Variants in AK5 observed in about 807,000 individuals in gnomAD.
AK5 encodes the protein adenylate kinase isoenzyme 5.
Under a neutral mutation model 69.5 loss-of-function variants are expected in AK5, and 27 were observed. The observed-to-expected ratio is 0.39, with a 90% CI of 0.29 to 0.54. AK5 has a LOEUF of 0.54. AK5 is among the 20% of genes least tolerant of loss of function. The pLI, the probability that AK5 is intolerant of heterozygous loss-of-function variation, is 0.71. For missense variants in AK5, 531 were observed against 700.4 expected, an observed-to-expected ratio of 0.76 and a Z score of 2.73; for synonymous variants, 260 against 244.4, an observed-to-expected ratio of 1.06 and a Z score of -0.60.
intron 13 of AK5, among the ~76,000 whole-genome samples, chr1:77,540,113 C>T (rs754246371): frequency 1.3e-5 from 2 of 152,140 alleles, no homozygotes; most frequent in Non-Finnish European, 2.9e-5. Context: ...GCCCTTTGGC[C>T]ACCAGCTAGC....
chr1:77,296,151 G>T (rs921006653), intron 3 of AK5, among the ~76,000 whole-genome samples: 1 of 152,126 alleles, frequency 6.6e-6, no homozygotes, highest in African/African-American at 2.4e-5. Context: ...TTACAAATTT[G>T]TATTAGTTCC....
chr1:77,336,457 G>A (rs578047488), intron 5 of AK5, among the ~76,000 whole-genome samples: 5 of 152,190 alleles, frequency 3.3e-5, no homozygotes, highest in South Asian at 4.2e-4. Flanking sequence ...AAAACTCTAT[G>A]CCTTAACTTC....
chr1:77,286,171 C>G (rs28476720), intron 1 of AK5, among the ~76,000 whole-genome samples: 15,081 of 151,792 alleles, frequency 0.099, 924 homozygotes, highest in South Asian at 0.2. Flanking sequence ...TTAATATGCA[C>G]TGTACAAATA....
intron 5 of AK5, among the ~76,000 whole-genome samples, chr1:77,310,253 T>C (rs2072865914): frequency 1.3e-5 from 2 of 152,208 alleles, no homozygotes; most frequent in Admixed American, 1.3e-4. Flanking sequence ...GGTCTGTATA[T>C]GGTTTCTCTA....
intron 6 of AK5, among the ~76,000 whole-genome samples, chr1:77,343,963 C>A (rs1661787521): frequency 1.3e-5 from 2 of 152,160 alleles, no homozygotes; most frequent in Admixed American, 1.3e-4. Flanking sequence ...TCATCTTTTT[C>A]TTTAAAAGTG....
At chr1:77,476,587 CT>C (rs1177386160) in intron 8 of AK5, among the ~76,000 whole-genome samples, 1 of 152,142 alleles carries the variant, frequency 6.6e-6, no homozygotes, top group Non-Finnish European at 1.5e-5. Context: ...AACGATGCCC[CT>C]CCCTGCTCAC....
intron 8 of AK5, among the ~76,000 whole-genome samples, chr1:77,452,544 A>C (rs1009328318): frequency 1.3e-5 from 2 of 152,200 alleles, no homozygotes; most frequent in African/African-American, 4.8e-5. Context: ...ATTAAATGCT[A>C]AAATATCTGC....
intron 10 of AK5, among the ~76,000 whole-genome samples, chr1:77,502,604 A>C (rs1436063997): frequency 1.3e-5 from 2 of 152,172 alleles, no homozygotes; most frequent in African/African-American, 4.8e-5. Context: ...ATCCAGGAAA[A>C]GTGGATTTGG....
At chr1:77,409,867 G>A (rs1325263613) in intron 6 of AK5, among the ~76,000 whole-genome samples, 2 of 152,112 alleles carry the variant, frequency 1.3e-5, no homozygotes, top group Admixed American at 1.3e-4. Context: ...GAATTTTATA[G>A]TTTTGGGTTT....
At chr1:77,555,370 G>A (rs1161335102) in intron 13 of AK5, among the ~76,000 whole-genome samples, 1 of 152,134 alleles carries the variant, frequency 6.6e-6, no homozygotes, top group Non-Finnish European at 1.5e-5. Flanking sequence ...AGCCTAGCCT[G>A]TCCCTACAAT....
intron 8 of AK5, among the ~76,000 whole-genome samples, chr1:77,420,770 AC>A (rs202026482): frequency 0.064 from 9,680 of 152,196 alleles, 386 homozygotes; most frequent in Middle Eastern, 0.1. Context: ...ATTCCAGTTA[AC>A]CCTTTTTAGT....
intron 13 of AK5, among the ~76,000 whole-genome samples, chr1:77,544,829 T>C (rs769770232): frequency 3.9e-5 from 6 of 152,178 alleles, no homozygotes; most frequent in Non-Finnish European, 8.8e-5. Context: ...AAGTATAATA[T>C]AGGAAATACA....
intron 6 of AK5, among the ~76,000 whole-genome samples, chr1:77,403,737 T>A (rs1649411621): frequency 1.3e-5 from 2 of 152,246 alleles, no homozygotes; most frequent in Non-Finnish European, 1.5e-5. Context: ...GCGTGATGCC[T>A]CCAGCTTTGT....
intron 6 of AK5, among the ~76,000 whole-genome samples, chr1:77,382,213 T>C (rs913754261): frequency 1.4e-5 from 2 of 142,622 alleles, no homozygotes; most frequent in African/African-American, 5.1e-5. Context: ...TAAGACCCAT[T>C]TTATAATCTT....
At chr1:77,321,459 C>G (rs943309767) in intron 5 of AK5, among the ~76,000 whole-genome samples, 2 of 151,004 alleles carry the variant, frequency 1.3e-5, no homozygotes, top group Admixed American at 6.6e-5. Context: ...ATAGATAGAG[C>G]GAGACTCCGT....
chr1:77,346,522 G>T (rs553966770), intron 6 of AK5, among the ~76,000 whole-genome samples: 3 of 152,192 alleles, frequency 2.0e-5, no homozygotes, highest in African/African-American at 7.2e-5. Context: ...TGGGGGATAG[G>T]GTCTGGCTGT....
At chr1:77,434,576 T>A (rs935873508) in intron 8 of AK5, among the ~76,000 whole-genome samples, 1 of 152,104 alleles carries the variant, frequency 6.6e-6, no homozygotes, top group Admixed American at 6.6e-5. Context: ...ATACAGAAAG[T>A]TCCATGGATA....
intron 8 of AK5, among the ~76,000 whole-genome samples, chr1:77,478,976 G>A (rs953223060): frequency 2.0e-5 from 3 of 150,948 alleles, no homozygotes; most frequent in African/African-American, 4.9e-5. Context: ...AAGGTTGAAT[G>A]TGGGTTCCTT....
intron 5 of AK5, among the ~76,000 whole-genome samples, chr1:77,322,520 AC>A (rs1660588491): frequency 6.6e-6 from 1 of 152,206 alleles, no homozygotes; most frequent in African/African-American, 2.4e-5. Context: ...GTACAGCTTT[AC>A]CATGTGGAGA....
Sources: allele counts gnomAD v4.1 joint callset (sites outside exome capture counted in the v4.1 genomes callset), GRCh38; gene constraint gnomAD v4.1.1; transcripts MANE v1.5; gene names NCBI Gene and HGNC (gene_info 2026-07-23, HGNC 2026-07-21).